Variants in CYSLTR1 observed in about 807,000 individuals in gnomAD.
CYSLTR1 encodes cysteinyl leukotriene receptor 1.
Under a neutral mutation model 2.1 loss-of-function variants are expected in CYSLTR1, and 1 was observed. That is an observed-to-expected ratio of 0.48 (90% CI 0.17 to 2.28). CYSLTR1 has a LOEUF of 2.28. Among genes scored for constraint, CYSLTR1 ranks in the 30% most tolerant of loss-of-function variants. CYSLTR1 has a pLI of 0.26. For synonymous variants in CYSLTR1, 110 were observed against 89.6 expected (o/e 1.23, Z -1.28); for missense variants, 299 against 250.1 (o/e 1.20, Z -1.32).
chrX:78,291,864 A>G (rs1603410399), intron 1 of CYSLTR1, among the ~76,000 whole-genome samples: 1 of 102,297 alleles, frequency 9.8e-6, no homozygotes, highest in Admixed American at 1.1e-4. Context: ...TTTCTTCTTT[A>G]TTAGTCTTGC....
chrX:78,289,077 T>G (rs897402984), intron 1 of CYSLTR1, among the ~76,000 whole-genome samples: 2 of 111,009 alleles, frequency 1.8e-5, no homozygotes, highest in African/African-American at 6.6e-5. Flanking sequence ...ACTCATCATT[T>G]ACATTAGGTA....
intron 2 of CYSLTR1, among the ~76,000 whole-genome samples, chrX:78,281,744 G>A (rs1921853878): frequency 9.0e-6 from 1 of 111,635 alleles, no homozygotes; most frequent in Admixed American, 9.6e-5. Context: ...TAACTCCTCA[G>A]AACTTGTTCA....
rs1453811194 is a variant in CYSLTR1, at chrX:78,273,177, A to G, written c.570T>C (p.His190=). The G allele has an allele frequency of 2.3e-5, 28 of 1,208,438 alleles. No individual in the cohort carries two copies. The highest frequency in any genetic ancestry group is 3.0e-5 in the Non-Finnish European group (27 of 894,344). The change falls in exon 3 of 3, where the codon CAT becomes CAC. Residue 190 remains histidine, a synonymous_variant. Transcript: ENST00000373304. Reference sequence around the variant, plus strand: ...TAAAGCCAACAAACAATGACACATAATGCAAGACCAAAACATGATTTTTAG... The same window carrying G: ...TAAAGCCAACAAACAATGACACATAGTGCAAGACCAAAACATGATTTTTAG... ...NQTKNHVLVL[H]YVSLFVGFII...
chrX:78,325,655 C>A (rs1004483593), intron 1 of CYSLTR1, among the ~76,000 whole-genome samples: 1 of 111,255 alleles, frequency 9.0e-6, no homozygotes, highest in African/African-American at 3.3e-5. Flanking sequence ...TTAGAGCAGC[C>A]ACTGTTAGGT....
intron 1 of CYSLTR1, among the ~76,000 whole-genome samples, chrX:78,326,216 T>TA (rs1052868329): frequency 1.8e-5 from 2 of 112,168 alleles, no homozygotes; most frequent in Admixed American, 1.9e-4. Context: ...CCATTAATAG[T>TA]AAAACAACAA....
chrX:78,293,852 A>G (rs1479186939), intron 1 of CYSLTR1, among the ~76,000 whole-genome samples: 1 of 111,299 alleles, frequency 9.0e-6, no homozygotes, highest in African/African-American at 3.3e-5. Context: ...GGTCTTCTCT[A>G]TGCTCTTTTT....
chrX:78,317,031 A>G (rs1029032401), intron 1 of CYSLTR1, among the ~76,000 whole-genome samples: 2 of 112,694 alleles, frequency 1.8e-5, no homozygotes, highest in Non-Finnish European at 1.9e-5. Context: ...AGAAATAATT[A>G]GTACAGTAAA....
intron 1 of CYSLTR1, among the ~76,000 whole-genome samples, chrX:78,312,936 T>A (rs1603411926): frequency 1.8e-5 from 2 of 112,053 alleles, no homozygotes; most frequent in East Asian, 5.6e-4. Context: ...AATGGAACTC[T>A]ATTTGACTCA....
intron 1 of CYSLTR1, among the ~76,000 whole-genome samples, chrX:78,315,723 G>T (rs766615699): frequency 8.9e-6 from 1 of 112,094 alleles, no homozygotes; most frequent in African/African-American, 3.2e-5. Flanking sequence ...TAATTTGAGT[G>T]CCAACTCAGG....
intron 1 of CYSLTR1, among the ~76,000 whole-genome samples, chrX:78,285,396 T>G (rs1335248692): frequency 5.6e-5 from 5 of 89,172 alleles, no homozygotes; most frequent in Non-Finnish European, 1.0e-4. Flanking sequence ...CACTCCAGCC[T>G]GGGCTACAGA....
At chrX:78,284,491 C>T (rs190055571) in intron 1 of CYSLTR1, among the ~76,000 whole-genome samples, 5 of 111,278 alleles carry the variant, frequency 4.5e-5, no homozygotes, top group African/African-American at 1.3e-4. Context: ...ACCTCCGCCT[C>T]CCGGGTTCAA....
intron 2 of CYSLTR1, among the ~76,000 whole-genome samples, chrX:78,276,565 C>T (rs764943657): frequency 9.0e-5 from 10 of 110,679 alleles, no homozygotes; most frequent in Non-Finnish European, 1.9e-4. Flanking sequence ...ATTATATTTG[C>T]TATTGAGGAT....
At chrX:78,295,866 T>A (rs1442313907) in intron 1 of CYSLTR1, among the ~76,000 whole-genome samples, 2 of 111,601 alleles carry the variant, frequency 1.8e-5, no homozygotes, top group Non-Finnish European at 3.8e-5. Context: ...CTTTGTTGAT[T>A]GTTTCCTTTG....
intron 1 of CYSLTR1, among the ~76,000 whole-genome samples, chrX:78,287,005 GTTGT>G (rs1329094980): frequency 1.8e-5 from 2 of 111,240 alleles, no homozygotes; most frequent in African/African-American, 6.5e-5. Context: ...TTTTTCATTG[GTTGT>G]TTATTTTCTT....
chrX:78,288,431 C>T (rs1451357433), intron 1 of CYSLTR1, among the ~76,000 whole-genome samples: 1 of 110,722 alleles, frequency 9.0e-6, no homozygotes, highest in African/African-American at 3.3e-5. Context: ...CATTCTTGAT[C>T]CTTTTAACCC....
chrX:78,311,764 T>G (rs773514686), intron 1 of CYSLTR1, among the ~76,000 whole-genome samples: 30 of 111,594 alleles, frequency 2.7e-4, no homozygotes, highest in African/African-American at 9.4e-4. Context: ...AGCTAGAAAT[T>G]TATCTAATCA....
chrX:78,321,683 C>T (rs1252448446), intron 1 of CYSLTR1: 1 of 48,393 alleles, frequency 2.1e-5, no homozygotes, highest in Admixed American at 2.9e-4. Flanking sequence ...AGAGTGAAAC[C>T]CTGTCTCAAA....
At chrX:78,314,025 GAAA>G (rs1923316513) in intron 1 of CYSLTR1, among the ~76,000 whole-genome samples, 1 of 111,759 alleles carries the variant, frequency 8.9e-6, no homozygotes, top group South Asian at 3.8e-4. Context: ...ATGGGATGTA[GAAA>G]AATAAGCAGC....
At chrX:78,303,261 A>G (rs955948450) in intron 1 of CYSLTR1, among the ~76,000 whole-genome samples, 2 of 111,469 alleles carry the variant, frequency 1.8e-5, no homozygotes, top group Non-Finnish European at 3.8e-5. Context: ...AGCACAAAGA[A>G]ATACTCTCTG....
Sources: allele counts gnomAD v4.1 joint callset (sites outside exome capture counted in the v4.1 genomes callset), GRCh38; gene constraint gnomAD v4.1.1; transcripts MANE v1.5; gene names NCBI Gene and HGNC (gene_info 2026-07-23, HGNC 2026-07-21).